The following ENTPD7 variants were observed in gnomAD, a reference collection of about 807,000 sequenced individuals.
ENTPD7 encodes ectonucleoside triphosphate diphosphohydrolase 7, also known as NTPDase 7.
Under a neutral mutation model 77.9 loss-of-function variants are expected in ENTPD7, and 53 were observed. That is an observed-to-expected ratio of 0.68 (90% CI 0.55 to 0.85). The LOEUF is 0.85. ENTPD7 is among the 40% of genes least tolerant of loss of function. ENTPD7 has a pLI of 0.00. For missense variants in ENTPD7, 636 were observed against 743.7 expected (o/e 0.86, Z 1.68); for synonymous variants, 248 against 274.9 (o/e 0.90, Z 0.97).
At chr10:99,698,384 T>C in intron 9 of ENTPD7, 150 bp from the exon 10 acceptor site, 1 of 704,846 alleles carries the variant, frequency 1.4e-6, no homozygotes, top group Non-Finnish European at 2.3e-6. Flanking sequence ...AGTTAAATGT[T>C]TATGTGATGA....
At position 99,696,130 on chromosome 10, in the gene ENTPD7, T is replaced by C; in HGVS notation, c.1010+8T>C. Reference sequence around the variant, plus strand: ...AACTCTTAACAAAAACAGGTACATTTGATATGGGATCTGAGTTTCTGAAAT... The same window carrying C: ...AACTCTTAACAAAAACAGGTACATTCGATATGGGATCTGAGTTTCTGAAAT... On this transcript the variant is annotated splice_region_variant and intron_variant, in intron 9 of 12. Coordinates refer to ENST00000370489, the MANE Select transcript of ENTPD7 (RefSeq NM_020354.5). 1 of 1,612,410 alleles carries C rather than the reference T, an allele frequency of 6.2e-7. No individual in the cohort carries two copies.
chr10:99,709,557 CT>C lies in ENTPD7; in HGVS notation c.*4875del, dbSNP rs2036319690. Reference sequence around the variant, plus strand: ...TTAGTCAATAATATTTTGATTAATACTATAGAATAGCAACAGTGAATATACC... The same window carrying C: ...TTAGTCAATAATATTTTGATTAATACATAGAATAGCAACAGTGAATATACC... On this transcript the variant is annotated 3_prime_UTR_variant, in exon 13 of 13. Coordinates refer to ENST00000370489, the MANE Select transcript of ENTPD7 (RefSeq NM_020354.5). 1 of 982,858 alleles carries C rather than the reference CT, an allele frequency of 1.0e-6. No homozygotes were observed. Among genetic ancestry groups the C allele is most frequent in the South Asian group, 4.7e-5 (1 of 21,234 alleles). 60.9% of individuals were successfully genotyped at this position (982,858 alleles called of 1,614,324 possible).
Position 99,709,368 on chromosome 10 carries a change from G to A in ENTPD7, c.*4685G>A. On this transcript the variant is annotated 3_prime_UTR_variant, in exon 13 of 13. Transcript: ENST00000370489. Reference sequence around the variant, plus strand: ...GGGAATAAGAATTATGGTAGAAATAGCAGATGTTTCAAATTCTCCCATATT... The same window carrying A: ...GGGAATAAGAATTATGGTAGAAATAACAGATGTTTCAAATTCTCCCATATT... 1 of 985,356 alleles carries A rather than the reference G, an allele frequency of 1.0e-6. No individual in the cohort carries two copies. Among genetic ancestry groups the A allele is most frequent in the Non-Finnish European group, 1.2e-6 (1 of 829,888 alleles). 61.0% of individuals were successfully genotyped at this position (985,356 alleles called of 1,614,324 possible).
At position 99,664,709 on chromosome 10, in the gene ENTPD7, A is replaced by G. The variant is rs553076069; in HGVS notation, c.191+3081A>G. Among the ~76,000 whole-genome samples the G allele has an allele frequency of 2.6e-5, 4 of 151,530 alleles. No homozygotes were observed. In the East Asian group the frequency reaches 7.9e-4, roughly 30 times the overall value. ...TGTGGTCTACCCACGTTGGCCTCCC[A>G]AAGTGCTGGAATTACAGGCGTGAGC... On this transcript the variant is annotated intron_variant, in intron 3 of 12. Coordinates refer to ENST00000370489, the MANE Select transcript of ENTPD7 (RefSeq NM_020354.5).
chr10:99,706,100 A>G lies in ENTPD7; in HGVS notation c.*1417A>G, dbSNP rs1013065518. The G allele has an allele frequency of 2.5e-4, 38 of 152,226 alleles. No individual in the cohort carries two copies. Among genetic ancestry groups the G allele is most frequent in the African/African-American group, 7.7e-4 (32 of 41,446 alleles). The allele number at this position is 152,226 out of a possible 1,614,324, so 9.4% of individuals were successfully genotyped here. ...TTTTGGGATTAGATTAATAGGGGAA[A>G]AAGTCCCTGGCTTTAAAGAAAACAA... On this transcript the variant is annotated 3_prime_UTR_variant, in exon 13 of 13. Coordinates refer to ENST00000370489, the MANE Select transcript of ENTPD7 (RefSeq NM_020354.5).
chr10:99,667,023 T>C (rs1175586506), intron 3 of ENTPD7, among the ~76,000 whole-genome samples: 1 of 152,160 alleles, frequency 6.6e-6, no homozygotes, highest in African/African-American at 2.4e-5. Flanking sequence ...GGTGGCAGAG[T>C]GATCTGATAA....
At chr10:99,701,612 G>A (rs1202090614) in intron 11 of ENTPD7, among the ~76,000 whole-genome samples, 2 of 151,558 alleles carry the variant, frequency 1.3e-5, no homozygotes, top group Non-Finnish European at 2.9e-5. Context: ...TTTTAACTTT[G>A]TATTATAGAT....
At position 99,661,487 on chromosome 10, in the gene ENTPD7, C is replaced by T; in HGVS notation, c.50C>T (p.Thr17Ile). Reference protein sequence around the residue: ...SYLCPASWYFTVPTVSPFLRQ... With the variant: ...SYLCPASWYFIVPTVSPFLRQ... ...CTCTGCCCAGCCTCCTGGTACTTCA[C>T]TGTGCCCACAGTGAGTCCATTTCTC... Residue 17 changes from threonine (T) to isoleucine (I), a missense_variant, in exon 3 of 13, where the codon ACT becomes ATT. Physicochemically the swap from Thr to Ile is moderately conservative, Grantham distance 89. Coordinates refer to ENST00000370489, the MANE Select transcript of ENTPD7 (RefSeq NM_020354.5). 1 of 1,612,920 alleles carries T rather than the reference C, an allele frequency of 6.2e-7. No individual in the cohort carries two copies. Among genetic ancestry groups the T allele is most frequent in the Non-Finnish European group, 8.5e-7 (1 of 1,179,644 alleles).
intron 3 of ENTPD7, among the ~76,000 whole-genome samples, chr10:99,670,900 C>T (rs1463097604): frequency 4.6e-5 from 7 of 151,960 alleles, no homozygotes; most frequent in African/African-American, 7.3e-5. Context: ...TGCCTGTAGC[C>T]CCAGCTACTT....
chr10:99,698,554 G>C lies in ENTPD7; in HGVS notation c.1031G>C (p.Gly344Ala). The C allele has an allele frequency of 6.2e-7, 1 of 1,614,062 alleles. No individual in the cohort carries two copies. Among genetic ancestry groups the C allele is most frequent in the Middle Eastern group, 1.6e-4 (1 of 6,062 alleles). Residue 344 changes from glycine (G) to alanine (A), a missense_variant, in exon 10 of 13, where the codon GGT becomes GCT. By Grantham distance (60) the Gly-to-Ala change is moderately conservative. Around this residue, in one of 3 missense-constraint regions of ENTPD7, gnomAD observed 486 missense variants for 556.5 expected, o/e 0.87. Transcript: ENST00000370489. ...GGCAGATTGCTTGGTCAGAAGACAGGTCTGAGTCCCGACAATCCATTTCTG... is the reference window on the plus strand; with the variant it reads ...GGCAGATTGCTTGGTCAGAAGACAGCTCTGAGTCCCGACAATCCATTTCTG... The part of the protein sequence containing the change: ...NKNRLLGQKT[G>A]LSPDNPFLDP...
In ENTPD7 at chr10:99,679,398, A is replaced by G; in HGVS notation, c.329A>G (p.His110Arg). The change falls in exon 4 of 13, where the codon CAT (histidine) becomes CGT (arginine). Residue 110 changes from histidine (H) to arginine (R), a missense_variant. Physicochemically the swap from His to Arg is conservative, Grantham distance 29. Around this residue, in one of 3 missense-constraint regions of ENTPD7, gnomAD observed 486 missense variants for 556.5 expected, o/e 0.87. Coordinates refer to ENST00000370489, the MANE Select transcript of ENTPD7 (RefSeq NM_020354.5). ...TGGCCAAGACATAATGGGAACCCCC[A>G]TGACTTGCTGGACATCAAACAGATG... is the stretch of plus-strand genomic sequence containing the variant. ...YFWPRHNGNP[H>R]DLLDIKQMRD... 5 of 1,614,198 alleles carry G rather than the reference A, an allele frequency of 3.1e-6. No individual in the cohort carries two copies. Among genetic ancestry groups the G allele is most frequent in the Non-Finnish European group, 4.2e-6 (5 of 1,180,038 alleles).
In ENTPD7 at chr10:99,704,489, A is replaced by G. The variant is rs1423361028; in HGVS notation, c.1621A>G (p.Ser541Gly). ...RQEGVRQAHG[S>G]WFRLSFVYNH... ...GGAAGGTGTCCGACAAGCCCATGGTAGCTGGTTCCGTCTCTCCTTTGTATA... is the reference window on the plus strand; with the variant it reads ...GGAAGGTGTCCGACAAGCCCATGGTGGCTGGTTCCGTCTCTCCTTTGTATA... The change falls in exon 13 of 13, where the codon AGC (serine) becomes GGC (glycine). Residue 541 changes from serine (S) to glycine (G), a missense_variant. Ser to Gly is a moderately conservative substitution (Grantham distance 56). Transcript: ENST00000370489. 24 of 1,614,056 alleles carry G rather than the reference A, an allele frequency of 1.5e-5. No individual in the cohort carries two copies. Among genetic ancestry groups the G allele is most frequent in the Non-Finnish European group, 1.9e-5 (23 of 1,180,028 alleles).
intron 5 of ENTPD7, among the ~76,000 whole-genome samples, chr10:99,680,842 G>A (rs762649798): frequency 2.0e-4 from 31 of 152,138 alleles, no homozygotes; most frequent in African/African-American, 2.9e-4. Flanking sequence ...CTCCCAGAGC[G>A]CTGGGATTTC....
intron 3 of ENTPD7, among the ~76,000 whole-genome samples, chr10:99,670,553 T>G (rs891298523): frequency 2.0e-5 from 3 of 152,212 alleles, no homozygotes; most frequent in African/African-American, 4.8e-5. Context: ...CAAACCTAGA[T>G]GGTACAGCCT....
intron 3 of ENTPD7, among the ~76,000 whole-genome samples, chr10:99,678,195 G>A (rs1293314512): frequency 1.3e-5 from 2 of 152,068 alleles, no homozygotes; most frequent in African/African-American, 2.4e-5. Context: ...TAGGCCAGGC[G>A]CGGTGGCTCA....
chr10:99,691,374 A>G lies in ENTPD7; in HGVS notation c.710-11A>G. ...ATTACTAGGGCCTTTTTGTTCTCTT[A>G]TTTATTTCAGAATCAGATGCTGAGG... On this transcript the variant is annotated splice_polypyrimidine_tract_variant and intron_variant, in intron 7 of 12. Coordinates refer to ENST00000370489, the MANE Select transcript of ENTPD7 (RefSeq NM_020354.5). 6.2e-7 allele frequency: 1 copy of G among 1,609,208 alleles called. No homozygotes were observed. The highest frequency in any genetic ancestry group is 1.3e-5 in the African/African-American group (1 of 74,568).
chr10:99,665,883 A>T (rs1294747344), intron 3 of ENTPD7, among the ~76,000 whole-genome samples: 1 of 152,134 alleles, frequency 6.6e-6, no homozygotes, highest in Non-Finnish European at 1.5e-5. Flanking sequence ...TGTTTGGATG[A>T]TTATAGTAAT....
Position 99,708,268 on chromosome 10 carries a change from A to C in ENTPD7, c.*3585A>C, listed in dbSNP as rs780560892. ...GCTAAGCTAGTGTTTTTAGGCATTA[A>C]CATTTATTATCACATCCATATTTAT... is the stretch of plus-strand genomic sequence containing the variant. On this transcript the variant is annotated 3_prime_UTR_variant, in exon 13 of 13. Transcript: ENST00000370489. 2.0e-5 allele frequency among the ~76,000 whole-genome samples: 3 copies of C among 152,236 alleles called. No individual in the cohort carries two copies. The highest frequency in any genetic ancestry group is 4.4e-5 in the Non-Finnish European group (3 of 68,036).
chr10:99,696,260 ATCTCTTAAAGACC>A, intron 9 of ENTPD7, 138 bp downstream of exon 9: 1 of 1,014,708 alleles, frequency 9.9e-7, no homozygotes, highest in Non-Finnish European at 1.4e-6. Flanking sequence ...ATGGGGTAGC[ATCTCTTAAAGACC>A]TCTATTAGCA....
Sources: allele counts gnomAD v4.1 joint callset (sites outside exome capture counted in the v4.1 genomes callset), GRCh38; gene constraint gnomAD v4.1.1; regional missense constraint gnomAD v4.1.1; transcripts MANE v1.5; gene names NCBI Gene and HGNC (gene_info 2026-07-23, HGNC 2026-07-21).